Variants in FMO3 observed in about 807,000 individuals in gnomAD.
FMO3 encodes flavin-containing monooxygenase 3.
FMO3 carries 40 observed loss-of-function variants against 39.4 expected under a neutral mutation model. That is an observed-to-expected ratio of 1.02 (90% CI 0.79 to 1.32). The LOEUF is 1.32. FMO3 is among the 40% of genes most tolerant of loss of function. The pLI, the probability that FMO3 is intolerant of heterozygous loss-of-function variation, is 0.00. For synonymous variants in FMO3, 219 were observed against 228.8 expected, an observed-to-expected ratio of 0.96 and a Z score of 0.39; for missense variants, 680 against 651.8, an observed-to-expected ratio of 1.04 and a Z score of -0.47.
Position 171,091,629 on chromosome 1 carries a change from C to G in FMO3, c.-7+648C>G, listed in dbSNP as rs1438601231. On this transcript the variant is annotated intron_variant, in intron 1 of 8. Coordinates refer to ENST00000367755, the MANE Select transcript of FMO3 (RefSeq NM_001002294.3). ...CCGGAGAGAAGGTCTCACTCTGTCA[C>G]CTAGGCTACAGTGCAGTGCTGTAAC... Among the ~76,000 whole-genome samples the G allele has an allele frequency of 2.6e-5, 4 of 151,192 alleles. No homozygotes were observed. The South Asian group carries it at 8.4e-4, about 32-fold the overall frequency.
At chr1:171,111,140 G>A (rs1655892223) in intron 6 of FMO3, 143 bp downstream of exon 6, 1 of 731,508 alleles carries the variant, frequency 1.4e-6, no homozygotes, top group Admixed American at 2.1e-5. Flanking sequence ...CAAATTAAGA[G>A]TGATTTCCTA....
intron 2 of FMO3, among the ~76,000 whole-genome samples, chr1:171,097,504 C>T (rs1224782885): frequency 1.6e-5 from 2 of 126,174 alleles, no homozygotes; most frequent in African/African-American, 7.0e-5. Flanking sequence ...GAGATGATAT[C>T]TCATTTTGGT....
intron 1 of FMO3, among the ~76,000 whole-genome samples, 175 bp downstream of exon 1, chr1:171,091,156 G>A (rs886273074): frequency 1.3e-5 from 2 of 149,766 alleles, no homozygotes; most frequent in Non-Finnish European, 3.0e-5. Context: ...AATCTGGGAG[G>A]CAGAGGTTGC....
intron 2 of FMO3, among the ~76,000 whole-genome samples, chr1:171,096,434 T>C (rs1655060108): frequency 9.6e-6 from 1 of 104,624 alleles, no homozygotes; most frequent in South Asian, 3.2e-4. Context: ...TAATATATAT[T>C]ACATATTTTA....
chr1:171,111,696 G>C (rs1655917993), intron 6 of FMO3, among the ~76,000 whole-genome samples: 1 of 152,182 alleles, frequency 6.6e-6, no homozygotes, highest in Non-Finnish European at 1.5e-5. Context: ...ACTTTGACAA[G>C]AGGTGAAAAA....
chr1:171,116,370 C>A, intron 8 of FMO3, 90 bp downstream of exon 8: 1 of 720,928 alleles, frequency 1.4e-6, no homozygotes, highest in Admixed American at 2.3e-5. Flanking sequence ...CTTAAATTAT[C>A]CTGAATGACA....
Position 171,108,063 on chromosome 1 carries a change from C to G in FMO3, c.485-16C>G, listed in dbSNP as rs1257035065. ...ATATGACTCAAACTGCCATGTATTT[C>G]TCACTTTTCACTCAGGACTAAACCA... is the stretch of plus-strand genomic sequence containing the variant. On this transcript the variant is annotated splice_polypyrimidine_tract_variant and intron_variant, in intron 4 of 8. Transcript: ENST00000367755. 6.2e-7 allele frequency: 1 copy of G among 1,613,406 alleles called. No individual in the cohort carries two copies. The highest frequency in any genetic ancestry group is 8.5e-7 in the Non-Finnish European group (1 of 1,179,474).
At chr1:171,112,677 T>C (rs1455295196) in intron 6 of FMO3, among the ~76,000 whole-genome samples, 1 of 152,130 alleles carries the variant, frequency 6.6e-6, no homozygotes, top group East Asian at 1.9e-4. Context: ...GACATTCTGG[T>C]AGAAGAATGT....
intron 2 of FMO3, among the ~76,000 whole-genome samples, chr1:171,093,987 C>G (rs1654839352): frequency 6.6e-6 from 1 of 151,512 alleles, no homozygotes; most frequent in African/African-American, 2.4e-5. Flanking sequence ...GGTGCCCACA[C>G]CCAGCTAATT....
intron 2 of FMO3, among the ~76,000 whole-genome samples, chr1:171,098,586 T>G (rs138733362): frequency 6.6e-6 from 1 of 151,878 alleles, no homozygotes; most frequent in Non-Finnish European, 1.5e-5. Context: ...ATTTGGCTCT[T>G]TGTTTGTCTG....
Position 171,114,229 on chromosome 1 carries a change from C to G in FMO3, c.1050C>G (p.Ile350Met), listed in dbSNP as rs148504519. Residue 350 changes from isoleucine (I) to methionine (M), a missense_variant, in exon 7 of 9, where the codon ATC (isoleucine) becomes ATG (methionine). Transcript: ENST00000367755. ...ESIIKSRNNE[I>M]ILFKGVFPPL... Reference sequence around the variant, plus strand: ...TCATCAAAAGCAGAAACAATGAGATCATTTTATTTAAAGGAGTATTTCCTC... The same window carrying G: ...TCATCAAAAGCAGAAACAATGAGATGATTTTATTTAAAGGAGTATTTCCTC... 1 of 1,613,806 alleles carries G rather than the reference C, an allele frequency of 6.2e-7. No individual in the cohort carries two copies. The highest frequency in any genetic ancestry group is 8.5e-7 in the Non-Finnish European group (1 of 1,179,886).
chr1:171,112,584 A>G (rs1655961520), intron 6 of FMO3, among the ~76,000 whole-genome samples: 1 of 152,302 alleles, frequency 6.6e-6, no homozygotes, highest in Non-Finnish European at 1.5e-5. Context: ...AAAAAGGATG[A>G]CATTGACGTT....
At chr1:171,111,841 C>T (rs1655927692) in intron 6 of FMO3, among the ~76,000 whole-genome samples, 1 of 152,188 alleles carries the variant, frequency 6.6e-6, no homozygotes, top group Non-Finnish European at 1.5e-5. Context: ...AATCCCTGTC[C>T]TCATGGAACC....
rs1471709968 is a variant in FMO3, at chr1:171,117,266, G to C, written c.1423G>C (p.Gly475Arg). The change falls in exon 9 of 9, where the codon GGC (glycine) becomes CGC (arginine). Residue 475 changes from glycine to arginine, a missense_variant. Gly to Arg is a moderately radical substitution (Grantham distance 125). Coordinates refer to ENST00000367755, the MANE Select transcript of FMO3 (RefSeq NM_001002294.3). ...PCSPYQFRLV[G>R]PGQWPGARNA... Reference sequence around the variant, plus strand: ...TAGTCCCTACCAGTTTAGGCTGGTGGGCCCAGGGCAGTGGCCAGGAGCCAG... The same window carrying C: ...TAGTCCCTACCAGTTTAGGCTGGTGCGCCCAGGGCAGTGGCCAGGAGCCAG... The C allele has an allele frequency of 3.1e-6, 5 of 1,614,040 alleles. No individual in the cohort carries two copies. The highest frequency in any genetic ancestry group is 4.2e-6 in the Non-Finnish European group (5 of 1,180,018).
rs144661380 is a variant in FMO3, at chr1:171,114,227, A to T, written c.1048A>T (p.Ile350Phe). Residue 350 changes from isoleucine to phenylalanine, a missense_variant, in exon 7 of 9, where the codon ATC (isoleucine) becomes TTC (phenylalanine). Transcript: ENST00000367755. ...TATCATCAAAAGCAGAAACAATGAG[A>T]TCATTTTATTTAAAGGAGTATTTCC... ...ESIIKSRNNE[I>F]ILFKGVFPPL... is the part of the protein sequence containing the mutation. 2 of 1,613,852 alleles carry T rather than the reference A, an allele frequency of 1.2e-6. No homozygotes were observed. The highest frequency in any genetic ancestry group is 2.7e-5 in the African/African-American group (2 of 74,904).
intron 3 of FMO3, among the ~76,000 whole-genome samples, chr1:171,106,069 T>G (rs1446811337): frequency 6.6e-6 from 1 of 152,206 alleles, no homozygotes; most frequent in African/African-American, 2.4e-5. Context: ...AATTACATTT[T>G]GAAATGTTAA....
At chr1:171,115,265 C>G (rs1656092340) in intron 7 of FMO3, among the ~76,000 whole-genome samples, 2 of 152,212 alleles carry the variant, frequency 1.3e-5, no homozygotes, top group South Asian at 4.1e-4. Flanking sequence ...ACGGCACAGG[C>G]TCTCTTAAGG....
Position 171,108,294 on chromosome 1 carries a change from T to C in FMO3, c.627+73T>C, listed in dbSNP as rs143703134. ...TTATTATCGTTTGAAAGGTGTGATA[T>C]GAAATGTGGGGGAGGAGGGAAGGGT... On this transcript the variant is annotated intron_variant, in intron 5 of 8. Transcript: ENST00000367755. The C allele has an allele frequency of 1.2e-3, 1,898 of 1,567,512 alleles. 2 individuals are homozygous for C. The highest frequency in any genetic ancestry group is 1.6e-3 in the Non-Finnish European group (1,775 of 1,140,524).
In FMO3 at chr1:171,110,862, G is replaced by A. The variant is rs1198164523; in HGVS notation, c.692G>A (p.Trp231Ter). The A allele has an allele frequency of 1.2e-6, 2 of 1,614,004 alleles. No homozygotes were observed. Among genetic ancestry groups the A allele is most frequent in the East Asian group, 4.5e-5 (2 of 44,866 alleles). The change falls in exon 6 of 9, where the codon TGG becomes TAG. Residue 231 changes from tryptophan (W) to a stop codon, truncating the protein, a stop_gained. Transcript: ENST00000367755. LOFTEE classifies it high-confidence loss of function. Reference sequence around the variant, plus strand: ...CGGGTCTGGGACAATGGTTATCCTTGGGACATGCTGCTCGTCACTCGATTT... The same window carrying A: ...CGGGTCTGGGACAATGGTTATCCTTAGGACATGCTGCTCGTCACTCGATTT... ...MSRVWDNGYP[W>*]DMLLVTRFGT...
Sources: gnomAD v4.1 joint callset for allele counts (sites outside exome capture counted in the v4.1 genomes callset) on GRCh38, gnomAD v4.1.1 for gene constraint, MANE v1.5 for transcripts, NCBI Gene and HGNC (gene_info 2026-07-23, HGNC 2026-07-21) for gene names.